The following PPP1R3B variants were observed in gnomAD, a reference collection of about 807,000 sequenced individuals.
PPP1R3B encodes the protein PP1 subunit R4.
A neutral mutation model predicts 14.6 loss-of-function variants in PPP1R3B; 8 were observed. The observed-to-expected ratio is 0.55, with a 90% confidence interval of 0.32 to 0.99. PPP1R3B has a LOEUF of 0.99. Ranked by LOEUF, PPP1R3B falls within the 50% of genes least tolerant of loss-of-function variation. The pLI is 0.04. For missense variants in PPP1R3B, 452 were observed against 360.1 expected (o/e 1.26, Z -2.07); for synonymous variants, 169 against 142.0 (o/e 1.19, Z -1.35).
chr8:9,141,717 G>T, intron 1 of PPP1R3B, 49 bp from the exon 2 acceptor site: 4 of 1,532,254 alleles, frequency 2.6e-6, no homozygotes, highest in Non-Finnish European at 3.6e-6. Context: ...GGAGCAATCA[G>T]ATCAGACAGA....
rs1345577969 is a variant in PPP1R3B at position 9,137,166 on chromosome 8, G to C, written c.*3628C>G. On this transcript the variant is annotated 3_prime_UTR_variant, in exon 2 of 2. Transcript: ENST00000310455. ...TCATTATTTCTCACCAGCTCCAGTA[G>C]AATAATTTTTTAAATAAAGAAACCC... 1 of 152,150 alleles carries C rather than the reference G, an allele frequency of 6.6e-6. No individual in the cohort carries two copies. Among genetic ancestry groups the C allele is most frequent in the Non-Finnish European group, 1.5e-5 (1 of 68,028 alleles). 9.4% of individuals were successfully genotyped at this position (152,150 alleles called of 1,614,324 possible). A position where few individuals can be genotyped will look rare whatever the true frequency, so the allele number is the denominator to read the frequency against.
At chr8:9,151,204 T>C (rs1801420616), upstream of PPP1R3B, 3 of 152,382 alleles carry the variant, frequency 2.0e-5, no homozygotes, top group Admixed American at 2.0e-4. Flanking sequence ...GCCAGCTACC[T>C]AGAGTGTTCC....
Position 9,141,475 on chromosome 8 carries a change from C to T in PPP1R3B, c.177G>A (p.Val59=), listed in dbSNP as rs1801085016. ...MVAPAVQEKK[V]KKRVSFADNQ... ...TGTCTGCGAAGGACACCCGCTTTTT[C>T]ACCTTCTTCTCCTGGACAGCCGGGG... The change falls in exon 2 of 2, where the codon GTG becomes GTA. Residue 59 remains valine, a synonymous_variant. Coordinates refer to ENST00000310455, the MANE Select transcript of PPP1R3B (RefSeq NM_024607.4). The T allele has an allele frequency of 6.2e-7, 1 of 1,614,198 alleles. No individual in the cohort carries two copies. Among genetic ancestry groups the T allele is most frequent in the Non-Finnish European group, 8.5e-7 (1 of 1,180,028 alleles).
intron 1 of PPP1R3B, chr8:9,142,485 AT>A (rs1801120583): frequency 6.6e-6 from 1 of 152,226 alleles, no homozygotes; most frequent in Non-Finnish European, 1.5e-5. Flanking sequence ...AAATCGAGCT[AT>A]TTAACATGCA....
chr8:9,144,820 A>G (rs1026123033), intron 1 of PPP1R3B, among the ~76,000 whole-genome samples: 8 of 152,292 alleles, frequency 5.3e-5, no homozygotes, highest in East Asian at 1.9e-4. Flanking sequence ...ATCTCGGTTC[A>G]CTGCAACCTC....
Position 9,140,771 on chromosome 8 carries a change from C to G in PPP1R3B, c.*23G>C. 1 of 1,609,714 alleles carries G rather than the reference C, an allele frequency of 6.2e-7. No homozygotes were observed. Among genetic ancestry groups the G allele is most frequent in the Non-Finnish European group, 8.5e-7 (1 of 1,177,408 alleles). The stretch of plus-strand genomic sequence containing the variant: ...GCTAGGCTTGTCTGTGGCAGCTCCG[C>G]CACGCCCTGTCACCTGCAGTCACTA... On this transcript the variant is annotated 3_prime_UTR_variant, in exon 2 of 2. Transcript: ENST00000310455.
chr8:9,147,000 C>T (rs1285082162), intron 1 of PPP1R3B, among the ~76,000 whole-genome samples: 1 of 146,900 alleles, frequency 6.8e-6, no homozygotes, highest in Non-Finnish European at 1.5e-5. Context: ...TTTTTTTTTT[C>T]GAGATGGAGT....
Position 9,137,516 on chromosome 8 carries a change from T to C in PPP1R3B, c.*3278A>G, listed in dbSNP as rs1800926245. 1 of 152,244 alleles carries C rather than the reference T, an allele frequency of 6.6e-6. No homozygotes were observed. The highest frequency in any genetic ancestry group is 1.5e-5 in the Non-Finnish European group (1 of 68,066). 9.4% of individuals were successfully genotyped at this position (152,244 alleles called of 1,614,324 possible). On this transcript the variant is annotated 3_prime_UTR_variant, in exon 2 of 2. Transcript: ENST00000310455. ...GAAACCTGTCACCCTCTGAAGTGTG[T>C]AGGCTTATCTACTGATGATGAGCTA... is the stretch of plus-strand genomic sequence containing the variant.
At position 9,137,877 on chromosome 8, in the gene PPP1R3B, A is replaced by G. The variant is rs330909; in HGVS notation, c.*2917T>C. ...TCCAGCACCCCCAGCAAAAAAAGCC[A>G]GGGTGAGCTGGGAGAAAGACGGGTA... On this transcript the variant is annotated 3_prime_UTR_variant, in exon 2 of 2. Transcript: ENST00000310455. 49,697 of 152,058 alleles carry G rather than the reference A, an allele frequency of 0.33. 8,779 individuals are homozygous for G. The highest frequency in any genetic ancestry group is 0.69 in the East Asian group (3,544 of 5,162). The allele number at this position is 152,058 out of a possible 1,614,324, so 9.4% of individuals were successfully genotyped here. A position where few individuals can be genotyped will look rare whatever the true frequency, so the allele number is the denominator to read the frequency against.
intron 1 of PPP1R3B, among the ~76,000 whole-genome samples, chr8:9,143,048 A>C (rs966702599): frequency 6.6e-6 from 1 of 152,166 alleles, no homozygotes; most frequent in African/African-American, 2.4e-5. Flanking sequence ...CGGGTCATAT[A>C]GTAGTTCTAG....
At chr8:9,146,353 G>A (rs1801240320) in intron 1 of PPP1R3B, among the ~76,000 whole-genome samples, 2 of 151,986 alleles carry the variant, frequency 1.3e-5, no homozygotes, top group South Asian at 4.1e-4. Flanking sequence ...GACGTGTTGG[G>A]GAGCTCACTC....
At chr8:9,148,485 G>A (rs190513861) in intron 1 of PPP1R3B, among the ~76,000 whole-genome samples, 1 of 152,342 alleles carries the variant, frequency 6.6e-6, no homozygotes, top group East Asian at 1.9e-4. Context: ...GAGTGTATGA[G>A]TGCTGCTCCC....
rs1430267820 is a variant in PPP1R3B, at chr8:9,136,887, G to A, written c.*3907C>T. 6.6e-6 allele frequency: 1 copy of A among 152,194 alleles called. No homozygotes were observed. Among genetic ancestry groups the A allele is most frequent in the Non-Finnish European group, 1.5e-5 (1 of 68,028 alleles). 9.4% of individuals were successfully genotyped at this position (152,194 alleles called of 1,614,324 possible). A position where few individuals can be genotyped will look rare whatever the true frequency, so the allele number is the denominator to read the frequency against. On this transcript the variant is annotated 3_prime_UTR_variant, in exon 2 of 2. Transcript: ENST00000310455. ...AGAGGGAAGATCCAGAAAATGGGCA[G>A]TTCCAAAAAAGGAACACTTTTTTGA...
chr8:9,146,477 A>T (rs1283535564), intron 1 of PPP1R3B, among the ~76,000 whole-genome samples: 1 of 152,090 alleles, frequency 6.6e-6, no homozygotes, highest in Non-Finnish European at 1.5e-5. Flanking sequence ...TCACCTTCTG[A>T]TTGTGATTAA....
chr8:9,151,148 C>T (rs1020376137), upstream of PPP1R3B, among the ~76,000 whole-genome samples: 5 of 152,196 alleles, frequency 3.3e-5, no homozygotes, highest in Admixed American at 2.0e-4. Context: ...TTCCCAGCTG[C>T]GGTCCCTGGA....
intron 1 of PPP1R3B, among the ~76,000 whole-genome samples, chr8:9,146,694 T>G (rs1297751775): frequency 6.6e-6 from 1 of 152,190 alleles, no homozygotes; most frequent in African/African-American, 2.4e-5. Context: ...TCTGTCTCAC[T>G]GTTTCCCCTT....
chr8:9,142,777 G>A (rs776280517), intron 1 of PPP1R3B, among the ~76,000 whole-genome samples: 1 of 152,086 alleles, frequency 6.6e-6, no homozygotes, highest in Non-Finnish European at 1.5e-5. Flanking sequence ...TTGTCACTCT[G>A]TGCCTGACTT....
rs1420541342 is a variant in PPP1R3B at position 9,141,767 on chromosome 8, A to G, written c.-17-99T>C. On this transcript the variant is annotated intron_variant, in intron 1 of 1. Transcript: ENST00000310455. ...ATTCCAGCAGGGACTGGCAAACAATATTTCCTTTTATCTATGCCCACCTGG... is the reference window on the plus strand; with the variant it reads ...ATTCCAGCAGGGACTGGCAAACAATGTTTCCTTTTATCTATGCCCACCTGG... The G allele has an allele frequency of 3.4e-6, 4 of 1,171,912 alleles. No homozygotes were observed. In the East Asian group the frequency reaches 8.1e-5, roughly 24 times the overall value. 72.6% of individuals were successfully genotyped at this position (1,171,912 alleles called of 1,614,324 possible).
chr8:9,139,070 A>G lies in PPP1R3B; in HGVS notation c.*1724T>C, dbSNP rs2117592867. On this transcript the variant is annotated 3_prime_UTR_variant, in exon 2 of 2. Coordinates refer to ENST00000310455, the MANE Select transcript of PPP1R3B (RefSeq NM_024607.4). ...AGTAGCTGGATTACAGGCGCCTGCCACCACACTCAGCTAAATTTTGTATTT... is the reference window on the plus strand; with the variant it reads ...AGTAGCTGGATTACAGGCGCCTGCCGCCACACTCAGCTAAATTTTGTATTT... 1 of 152,326 alleles carries G rather than the reference A, an allele frequency of 6.6e-6. No individual in the cohort carries two copies. The highest frequency in any genetic ancestry group is 1.9e-4 in the East Asian group (1 of 5,186). The allele number at this position is 152,326 out of a possible 1,614,324, so 9.4% of individuals were successfully genotyped here.
Sources: allele counts gnomAD v4.1 joint callset (sites outside exome capture counted in the v4.1 genomes callset), GRCh38; gene constraint gnomAD v4.1.1; transcripts MANE v1.5; gene names NCBI Gene and HGNC (gene_info 2026-07-23, HGNC 2026-07-21).